The following ANKS1B variants were observed in gnomAD, a reference collection of about 807,000 sequenced individuals.
The protein encoded by ANKS1B is ankyrin repeat and sterile alpha motif domain containing 1B, also known as ankyrin repeat and sterile alpha motif domain-containing protein 1B.
A neutral mutation model predicts 148.3 loss-of-function variants in ANKS1B; 36 were observed. The observed-to-expected ratio is 0.24, with a 90% CI of 0.19 to 0.32. The LOEUF (loss-of-function observed/expected upper bound fraction) is 0.32, where lower values mean the gene tolerates loss of function less well. Among genes scored for constraint, ANKS1B ranks in the 10% least tolerant of loss-of-function variants. The probability of loss-of-function intolerance (pLI) is 1.00; values close to 1 mark genes in which losing one functional copy is unlikely to be tolerated. For synonymous variants in ANKS1B, 542 were observed against 560.8 expected (o/e 0.97, Z 0.47); for missense variants, 1,157 against 1,542.6 (o/e 0.75, Z 4.19).
At chr12:99,094,952 C>T (rs190700548) in intron 15 of ANKS1B, among the ~76,000 whole-genome samples, 65 of 151,958 alleles carry the variant, frequency 4.3e-4, no homozygotes, top group African/African-American at 1.5e-3. Flanking sequence ...GAAATAACAG[C>T]CTAGAAACAT....
At chr12:99,026,335 G>C (rs1477251383) in intron 17 of ANKS1B, among the ~76,000 whole-genome samples, 4 of 152,160 alleles carry the variant, frequency 2.6e-5, no homozygotes, top group Non-Finnish European at 5.9e-5. Flanking sequence ...ATACCTATGG[G>C]CATATTAGTT....
chr12:99,863,403 TTC>T (rs2090297770), intron 1 of ANKS1B, among the ~76,000 whole-genome samples: 1 of 152,164 alleles, frequency 6.6e-6, no homozygotes, highest in Non-Finnish European at 1.5e-5. Flanking sequence ...TGAGTTTTCC[TTC>T]TCTCTCTTCA....
intron 17 of ANKS1B, among the ~76,000 whole-genome samples, chr12:99,034,786 C>T (rs755954785): frequency 1.3e-5 from 2 of 152,164 alleles, no homozygotes; most frequent in Non-Finnish European, 1.5e-5. Context: ...TAATCAAATA[C>T]TTTTTGAACA....
At chr12:99,450,195 A>G (rs1344213568) in intron 10 of ANKS1B, among the ~76,000 whole-genome samples, 1 of 152,150 alleles carries the variant, frequency 6.6e-6, no homozygotes, top group Non-Finnish European at 1.5e-5. Context: ...CCAGCTCAAG[A>G]GGTCAGGCAG....
intron 1 of ANKS1B, among the ~76,000 whole-genome samples, chr12:99,887,998 A>G (rs1026126881): frequency 2.6e-5 from 4 of 152,212 alleles, no homozygotes; most frequent in East Asian, 1.9e-4. Context: ...TCAAATAGTG[A>G]AAAACAGCAT....
At chr12:99,664,968 C>T (rs931357792) in intron 8 of ANKS1B, among the ~76,000 whole-genome samples, 2 of 152,264 alleles carry the variant, frequency 1.3e-5, no homozygotes, top group South Asian at 4.1e-4. Context: ...CCTTTTTAAT[C>T]CAAAGTAATA....
chr12:99,121,722 G>T (rs979651410), intron 15 of ANKS1B, among the ~76,000 whole-genome samples: 1 of 152,066 alleles, frequency 6.6e-6, no homozygotes, highest in Non-Finnish European at 1.5e-5. Context: ...TGTTGCTAAG[G>T]GCCATCAAGA....
chr12:99,824,311 T>C (rs1565801469), intron 2 of ANKS1B, among the ~76,000 whole-genome samples: 3 of 151,542 alleles, frequency 2.0e-5, no homozygotes, highest in Admixed American at 6.6e-5. Context: ...ACCAGCCTGA[T>C]CAACATGGTG....
At chr12:99,328,552 T>C (rs1462505402) in intron 12 of ANKS1B, among the ~76,000 whole-genome samples, 1 of 151,918 alleles carries the variant, frequency 6.6e-6, no homozygotes, top group Non-Finnish European at 1.5e-5. Context: ...GCCTTAGATT[T>C]AGTATTGCTG....
At chr12:99,866,014 T>C (rs1013088529) in intron 1 of ANKS1B, among the ~76,000 whole-genome samples, 9 of 152,070 alleles carry the variant, frequency 5.9e-5, no homozygotes, top group African/African-American at 9.7e-5. Context: ...TAAAGTGGAG[T>C]AGCTTAAGAA....
chr12:99,475,789 T>G (rs942253333), intron 10 of ANKS1B, among the ~76,000 whole-genome samples: 1 of 151,672 alleles, frequency 6.6e-6, no homozygotes, highest in South Asian at 2.1e-4. Context: ...ATATAAAAAA[T>G]GAAGAGCAAT....
Position 99,397,464 on chromosome 12 carries a change from AG to A in ANKS1B, c.1756+2166del, listed in dbSNP as rs374134308. 1.2e-4 allele frequency among the ~76,000 whole-genome samples: 18 copies of A among 152,266 alleles called. 1 individual carries two copies. In the East Asian group the frequency reaches 3.5e-3, roughly 29 times the overall value. ...CATTCTAGAAAGACGACAAGAAATA[AG>A]TAAAGAAGTAACCAATATAATTTTA... is the stretch of plus-strand genomic sequence containing the variant. On this transcript the variant is annotated intron_variant, in intron 12 of 26. Transcript: ENST00000683438.
intron 8 of ANKS1B, among the ~76,000 whole-genome samples, chr12:99,738,362 C>T (rs2059799960): frequency 6.6e-6 from 1 of 152,154 alleles, no homozygotes; most frequent in Admixed American, 6.5e-5. Context: ...CAGAAGTCTT[C>T]CAAGTCACAT....
At chr12:98,921,065 T>C (rs1358645655) in intron 17 of ANKS1B, among the ~76,000 whole-genome samples, 1 of 152,204 alleles carries the variant, frequency 6.6e-6, no homozygotes, top group East Asian at 1.9e-4. Flanking sequence ...TTACTAGGTC[T>C]TATTAAAAGT....
At chr12:99,962,810 C>CTTTTTTT (rs1010885602) in intron 1 of ANKS1B, among the ~76,000 whole-genome samples, 3 of 120,716 alleles carry the variant, frequency 2.5e-5, no homozygotes, top group African/African-American at 6.2e-5. Context: ...TGATGTTGAG[C>CTTTTTTT]TTTTTTTTTT....
chr12:99,784,843 T>C lies in ANKS1B; in HGVS notation c.670-2746A>G, dbSNP rs558192004. ...TAAAGACATCCCTGACCCCTGAAGT[T>C]TAGTGTTTTTCCTGGATGTTCCACA... On this transcript the variant is annotated intron_variant, in intron 4 of 26. Coordinates refer to ENST00000683438, the MANE Select transcript of ANKS1B (RefSeq NM_001352186.2). Among the ~76,000 whole-genome samples the C allele has an allele frequency of 3.3e-5, 5 of 152,330 alleles. No individual in the cohort carries two copies. The South Asian group carries it at 1.0e-3, about 32-fold the overall frequency.
At chr12:99,121,409 A>G (rs2062845759) in intron 15 of ANKS1B, among the ~76,000 whole-genome samples, 1 of 151,162 alleles carries the variant, frequency 6.6e-6, no homozygotes, top group Admixed American at 6.6e-5. Context: ...TTTCTTATCA[A>G]CACTATAGGG....
intron 12 of ANKS1B, among the ~76,000 whole-genome samples, chr12:99,358,238 A>G (rs2152418443): frequency 6.6e-6 from 1 of 152,230 alleles, no homozygotes; most frequent in Non-Finnish European, 1.5e-5. Flanking sequence ...GCATGATTTT[A>G]TTACTAGACA....
intron 17 of ANKS1B, among the ~76,000 whole-genome samples, chr12:98,922,394 C>A (rs1364470637): frequency 6.6e-6 from 1 of 152,192 alleles, no homozygotes; most frequent in Non-Finnish European, 1.5e-5. Context: ...AAAATTCCTG[C>A]TCTCTTTACG....
Sources: gnomAD v4.1 joint callset for allele counts (sites outside exome capture counted in the v4.1 genomes callset) on GRCh38, gnomAD v4.1.1 for gene constraint, MANE v1.5 for transcripts, NCBI Gene and HGNC (gene_info 2026-07-23, HGNC 2026-07-21) for gene names.